The following EFL1 variants were observed in gnomAD, a reference collection of about 807,000 sequenced individuals.
EFL1 encodes the protein elongation factor like GTPase 1.
In EFL1, 76 loss-of-function variants were observed where a neutral mutation model predicts 126.7. The observed-to-expected ratio is 0.60, with a 90% confidence interval of 0.50 to 0.73. The LOEUF (loss-of-function observed/expected upper bound fraction) is 0.73. EFL1 is among the 30% of genes least tolerant of loss of function. The probability of loss-of-function intolerance (pLI) is 0.00; values close to 1 mark genes in which losing one functional copy is unlikely to be tolerated. For missense variants in EFL1, 1,128 were observed against 1,343.2 expected, an observed-to-expected ratio of 0.84 and a Z score of 2.50; for synonymous variants, 410 against 448.4, an observed-to-expected ratio of 0.91 and a Z score of 1.08.
At chr15:82,134,113 A>C (rs1012280668) in intron 19 of EFL1, among the ~76,000 whole-genome samples, 1 of 152,230 alleles carries the variant, frequency 6.6e-6, no homozygotes, top group Non-Finnish European at 1.5e-5. Context: ...TAAAAGTCCC[A>C]ATATCATATG....
chr15:82,220,275 T>C (rs1296869586), intron 12 of EFL1, 46 bp from the exon 13 acceptor site: 104 of 1,528,086 alleles, frequency 6.8e-5, no homozygotes, highest in Non-Finnish European at 8.4e-5. Flanking sequence ...TTCATCCAAG[T>C]AGGGAAACAG....
chr15:82,223,160 C>T (rs868404966), intron 12 of EFL1, among the ~76,000 whole-genome samples: 6 of 152,172 alleles, frequency 3.9e-5, no homozygotes, highest in Middle Eastern at 6.8e-3. Context: ...GAAAATAATA[C>T]TCTGCTATTC....
chr15:82,230,437 C>A (rs1284125534), intron 8 of EFL1, among the ~76,000 whole-genome samples: 1 of 151,964 alleles, frequency 6.6e-6, no homozygotes, highest in Non-Finnish European at 1.5e-5. Flanking sequence ...GCACGATGAC[C>A]AGCATGCAGT....
intron 2 of EFL1, among the ~76,000 whole-genome samples, chr15:82,259,656 T>C (rs971845998): frequency 1.3e-4 from 20 of 152,326 alleles, no homozygotes; most frequent in African/African-American, 4.6e-4. Flanking sequence ...AATATATTTA[T>C]AGTTACTTTT....
At chr15:82,189,034 AAC>A (rs1325209438) in intron 15 of EFL1, among the ~76,000 whole-genome samples, 3 of 151,884 alleles carry the variant, frequency 2.0e-5, no homozygotes, top group East Asian at 1.9e-4. Flanking sequence ...TCACTCTGTG[AAC>A]ACAGAGTATA....
chr15:82,151,799 C>A lies in EFL1; in HGVS notation c.2655G>T (p.Glu885Asp), dbSNP rs994484764. Reference sequence around the variant, plus strand: ...GAACAAAACAGACACCCATGAGAGGCTCCTCACACATGGGGCCAGAGAGGG... The same window carrying A: ...GAACAAAACAGACACCCATGAGAGGATCCTCACACATGGGGCCAGAGAGGG... ...LATLSGPMCEEPLMGVCFVLE... is the reference protein window; with the variant it reads ...LATLSGPMCEDPLMGVCFVLE... The change falls in exon 18 of 20, where the codon GAG becomes GAT. Residue 885 changes from glutamate to aspartate, a missense_variant. Around this residue, in one of 6 missense-constraint regions of EFL1, gnomAD observed 561 missense variants for 641.7 expected, o/e 0.87. Transcript: ENST00000268206. 2 of 1,614,168 alleles carry A rather than the reference C, an allele frequency of 1.2e-6. No individual in the cohort carries two copies. Among genetic ancestry groups the A allele is most frequent in the Admixed American group, 3.3e-5 (2 of 60,024 alleles).
At chr15:82,179,526 G>A (rs1356730596) in intron 15 of EFL1, among the ~76,000 whole-genome samples, 1 of 152,112 alleles carries the variant, frequency 6.6e-6, no homozygotes, top group Non-Finnish European at 1.5e-5. Flanking sequence ...GGCAGTTCTG[G>A]AGAGAGCCCA....
chr15:82,245,587 T>C (rs931766167), intron 4 of EFL1, among the ~76,000 whole-genome samples: 3 of 152,086 alleles, frequency 2.0e-5, no homozygotes, highest in Admixed American at 2.0e-4. Context: ...GGTAACTATC[T>C]TTATGAGAAG....
intron 15 of EFL1, among the ~76,000 whole-genome samples, chr15:82,197,677 C>T (rs1244093234): frequency 2.6e-5 from 4 of 151,874 alleles, no homozygotes; most frequent in Non-Finnish European, 5.9e-5. Flanking sequence ...AAAATATATA[C>T]AGTTGAAACA....
chr15:82,196,741 A>AT (rs1474731867), intron 15 of EFL1, among the ~76,000 whole-genome samples: 1 of 152,242 alleles, frequency 6.6e-6, no homozygotes, highest in Non-Finnish European at 1.5e-5. Flanking sequence ...TGCATTAATA[A>AT]TTGTGGCTTC....
chr15:82,191,889 G>A (rs1322560874), intron 15 of EFL1, among the ~76,000 whole-genome samples: 10 of 152,058 alleles, frequency 6.6e-5, no homozygotes, highest in African/African-American at 1.9e-4. Context: ...ACTAATTAGC[G>A]ATAAAATAAC....
chr15:82,156,867 T>C (rs1230130316), intron 17 of EFL1, among the ~76,000 whole-genome samples: 1 of 152,226 alleles, frequency 6.6e-6, no homozygotes, highest in East Asian at 1.9e-4. Flanking sequence ...ATATCTTTCA[T>C]TTGTCTTCAA....
At chr15:82,157,029 C>T (rs1006718651) in intron 17 of EFL1, among the ~76,000 whole-genome samples, 5 of 152,110 alleles carry the variant, frequency 3.3e-5, no homozygotes, top group Admixed American at 2.0e-4. Flanking sequence ...AATATGCATA[C>T]TTTTTGAGCT....
chr15:82,239,750 G>A (rs141556012), intron 6 of EFL1, among the ~76,000 whole-genome samples: 8 of 152,186 alleles, frequency 5.3e-5, no homozygotes, highest in South Asian at 2.1e-4. Context: ...TTTGCCCATC[G>A]TATTCCTTCT....
intron 15 of EFL1, among the ~76,000 whole-genome samples, chr15:82,198,514 C>T (rs2074434051): frequency 6.6e-6 from 1 of 152,140 alleles, no homozygotes; most frequent in African/African-American, 2.4e-5. Context: ...TCCTCTATGT[C>T]AAATGGCCTC....
chr15:82,195,288 T>C (rs2074397453), intron 15 of EFL1, among the ~76,000 whole-genome samples: 1 of 152,166 alleles, frequency 6.6e-6, no homozygotes, highest in Non-Finnish European at 1.5e-5. Flanking sequence ...AGTGAAGATA[T>C]TTAGAAAGAC....
At chr15:82,141,674 C>CAAA (rs1222419584) in intron 18 of EFL1, among the ~76,000 whole-genome samples, 2 of 58,620 alleles carry the variant, frequency 3.4e-5, no homozygotes, top group Non-Finnish European at 6.9e-5. Flanking sequence ...ACTCGGTCTC[C>CAAA]AAAAAAAAAA....
chr15:82,202,936 C>T (rs1398134250), intron 15 of EFL1, among the ~76,000 whole-genome samples: 9 of 151,886 alleles, frequency 5.9e-5, no homozygotes, highest in African/African-American at 1.9e-4. Flanking sequence ...CTCAGCCTCC[C>T]GAGTAGCTGG....
intron 18 of EFL1, among the ~76,000 whole-genome samples, chr15:82,148,457 T>C (rs2073872763): frequency 1.3e-5 from 2 of 152,126 alleles, no homozygotes; most frequent in African/African-American, 2.4e-5. Context: ...CAACCTATAC[T>C]TTCAAAATAA....
Sources: gnomAD v4.1 joint callset for allele counts (sites outside exome capture counted in the v4.1 genomes callset) on GRCh38, gnomAD v4.1.1 for gene constraint, gnomAD v4.1.1 regional missense constraint, MANE v1.5 for transcripts, NCBI Gene and HGNC (gene_info 2026-07-23, HGNC 2026-07-21) for gene names.